ZNF385B: variants seen among roughly 807,000 people sequenced by gnomAD.
ZNF385B encodes the protein zinc finger protein 533.
Under a neutral mutation model 39.2 loss-of-function variants are expected in ZNF385B, and 23 were observed. That is an observed-to-expected ratio of 0.59 (90% confidence interval 0.42 to 0.83). The LOEUF is 0.83. Ranked by LOEUF, ZNF385B falls within the 40% of genes least tolerant of loss-of-function variation. The pLI is 0.00. For missense variants in ZNF385B, 552 were observed against 598.9 expected (o/e 0.92, Z 0.82); for synonymous variants, 205 against 222.6 (o/e 0.92, Z 0.70).
At chr2:179,829,821 A>G (rs1482843307) in intron 1 of ZNF385B, among the ~76,000 whole-genome samples, 1 of 152,200 alleles carries the variant, frequency 6.6e-6, no homozygotes, top group Non-Finnish European at 1.5e-5. Context: ...CCTGGATATG[A>G]CTTTTTAGAT....
intron 5 of ZNF385B, among the ~76,000 whole-genome samples, chr2:179,503,727 G>C (rs1055635675): frequency 6.6e-6 from 1 of 151,770 alleles, no homozygotes; most frequent in African/African-American, 2.4e-5. Context: ...AACATGCGGT[G>C]TTTGTTTTTT....
chr2:179,662,472 T>A (rs1329818805), intron 3 of ZNF385B, among the ~76,000 whole-genome samples: 1 of 152,066 alleles, frequency 6.6e-6, no homozygotes, highest in Admixed American at 6.5e-5. Flanking sequence ...ACCACAGCCT[T>A]AGCAAACTAA....
At chr2:179,780,328 TC>T (rs2106522301) in intron 1 of ZNF385B, among the ~76,000 whole-genome samples, 1 of 152,258 alleles carries the variant, frequency 6.6e-6, no homozygotes, top group African/African-American at 2.4e-5. Flanking sequence ...CATAGATGCT[TC>T]CCTCTCATCT....
intron 3 of ZNF385B, among the ~76,000 whole-genome samples, chr2:179,739,628 C>T (rs1021516571): frequency 4.6e-5 from 7 of 152,140 alleles, no homozygotes; most frequent in East Asian, 3.9e-4. Context: ...ACCTTAAACA[C>T]GCTTTTCACC....
chr2:179,603,456 T>C (rs748677750), intron 3 of ZNF385B, among the ~76,000 whole-genome samples: 1 of 152,156 alleles, frequency 6.6e-6, no homozygotes. Context: ...GGTTTCAGAA[T>C]CTCATTTTTC....
intron 3 of ZNF385B, among the ~76,000 whole-genome samples, chr2:179,651,398 T>G (rs1381669207): frequency 6.6e-6 from 1 of 151,902 alleles, no homozygotes; most frequent in Non-Finnish European, 1.5e-5. Flanking sequence ...ACAGGAAAAA[T>G]AAGATATTTG....
intron 3 of ZNF385B, among the ~76,000 whole-genome samples, chr2:179,616,043 T>G (rs886221786): frequency 7.9e-5 from 12 of 152,216 alleles, no homozygotes; most frequent in Admixed American, 1.3e-4. Context: ...ATCTGATAAA[T>G]TGAGGAGTTT....
chr2:179,718,138 G>A (rs1258280696), intron 3 of ZNF385B, among the ~76,000 whole-genome samples: 1 of 151,860 alleles, frequency 6.6e-6, no homozygotes, highest in South Asian at 2.1e-4. Flanking sequence ...ATTTTAAATA[G>A]AATATGATAT....
chr2:179,674,500 A>G, intron 3 of ZNF385B, among the ~76,000 whole-genome samples: 1 of 152,156 alleles, frequency 6.6e-6, no homozygotes, highest in East Asian at 1.9e-4. Context: ...ACTGATTTCT[A>G]TTGAATTATT....
At chr2:179,856,800 A>C (rs1286378882) in intron 1 of ZNF385B, among the ~76,000 whole-genome samples, 1 of 152,190 alleles carries the variant, frequency 6.6e-6, no homozygotes, top group African/African-American at 2.4e-5. Flanking sequence ...ATGAGGTAAA[A>C]ATACAAGGGA....
intron 1 of ZNF385B, among the ~76,000 whole-genome samples, chr2:179,812,355 G>A (rs1431285355): frequency 1.3e-5 from 2 of 152,178 alleles, no homozygotes; most frequent in African/African-American, 4.8e-5. Context: ...GTTCATTGCA[G>A]CACTGTTCAC....
intron 3 of ZNF385B, among the ~76,000 whole-genome samples, chr2:179,704,330 T>C (rs1476722044): frequency 6.6e-6 from 1 of 152,214 alleles, no homozygotes; most frequent in Non-Finnish European, 1.5e-5. Flanking sequence ...AGAGAAAGTC[T>C]GTAAAGACAT....
intron 3 of ZNF385B, among the ~76,000 whole-genome samples, chr2:179,663,438 C>T (rs1430653487): frequency 6.6e-6 from 1 of 152,116 alleles, no homozygotes; most frequent in Non-Finnish European, 1.5e-5. Flanking sequence ...ACGCTAGGCG[C>T]GGTGGCTCAC....
intron 3 of ZNF385B, among the ~76,000 whole-genome samples, chr2:179,681,596 C>G (rs1697518750): frequency 6.6e-6 from 1 of 152,140 alleles, no homozygotes; most frequent in African/African-American, 2.4e-5. Context: ...GAATACAATT[C>G]TAATAACCCC....
intron 1 of ZNF385B, among the ~76,000 whole-genome samples, chr2:179,775,339 G>T (rs928513767): frequency 2.0e-5 from 3 of 152,112 alleles, no homozygotes; most frequent in Non-Finnish European, 4.4e-5. Flanking sequence ...AAAATAAAAA[G>T]CTTGTAATAA....
chr2:179,445,836 T>C, intron 7 of ZNF385B, 108 bp from the exon 8 acceptor site: 3 of 1,102,006 alleles, frequency 2.7e-6, no homozygotes, highest in Non-Finnish European at 3.7e-6. Flanking sequence ...CCCAATGCTT[T>C]TTTAAAAATG....
chr2:179,496,397 T>C (rs2056211904), intron 5 of ZNF385B, among the ~76,000 whole-genome samples: 1 of 150,474 alleles, frequency 6.6e-6, no homozygotes, highest in Non-Finnish European at 1.5e-5. Context: ...AAAGGGGAGG[T>C]AGAAAAAGAG....
chr2:179,860,868 A>T (rs1280597920), intron 1 of ZNF385B: 29 of 324,818 alleles, frequency 8.9e-5, no homozygotes, highest in South Asian at 2.3e-4. Context: ...TCCTAACTCC[A>T]GGGACTCGCA....
rs181126378 is a variant in ZNF385B at position 179,774,399 on chromosome 2, C to T, written c.-154-3727G>A. 5.3e-5 allele frequency among the ~76,000 whole-genome samples: 8 copies of T among 151,578 alleles called. No homozygotes were observed. In the East Asian group the frequency reaches 1.4e-3, roughly 26 times the overall value. On this transcript the variant is annotated intron_variant, in intron 1 of 9. Transcript: ENST00000410066. Reference sequence around the variant, plus strand: ...GTTTTAAGATGGAGTCTCGCTCTGTCGCCCAGGCTGGAGTGTAGTGGTGCC... The same window carrying T: ...GTTTTAAGATGGAGTCTCGCTCTGTTGCCCAGGCTGGAGTGTAGTGGTGCC...
Sources: allele counts gnomAD v4.1 joint callset (sites outside exome capture counted in the v4.1 genomes callset), GRCh38; gene constraint gnomAD v4.1.1; transcripts MANE v1.5; gene names NCBI Gene and HGNC (gene_info 2026-07-23, HGNC 2026-07-21).